CDH18: variants seen among roughly 807,000 people sequenced by gnomAD.
The protein encoded by CDH18 is cadherin-18.
A neutral mutation model predicts 67.9 loss-of-function variants in CDH18; 31 were observed. That is an observed-to-expected ratio of 0.46 (90% confidence interval 0.34 to 0.62). The LOEUF (loss-of-function observed/expected upper bound fraction) is 0.62. Among genes scored for constraint, CDH18 ranks in the 20% least tolerant of loss-of-function variants. The probability of loss-of-function intolerance (pLI) is 0.01; values close to 1 mark genes in which losing one functional copy is unlikely to be tolerated. For missense variants in CDH18, 890 were observed against 975.5 expected (o/e 0.91, Z 1.17); for synonymous variants, 362 against 347.2 (o/e 1.04, Z -0.48).
At chr5:20,302,737 A>T (rs1736062283) in intron 1 of CDH18, among the ~76,000 whole-genome samples, 1 of 152,242 alleles carries the variant, frequency 6.6e-6, no homozygotes. Context: ...TGCGCTACGC[A>T]CTGAAGATCA....
chr5:19,806,648 T>C (rs1209985707), intron 3 of CDH18, among the ~76,000 whole-genome samples: 1 of 152,220 alleles, frequency 6.6e-6, no homozygotes, highest in Non-Finnish European at 1.5e-5. Flanking sequence ...GAATTCATAA[T>C]GCATTATATA....
chr5:19,838,360 G>A (rs891039430), intron 3 of CDH18, among the ~76,000 whole-genome samples: 4 of 152,096 alleles, frequency 2.6e-5, no homozygotes, highest in Admixed American at 6.6e-5. Flanking sequence ...ATGTGCAGGA[G>A]CAATATGTGA....
At chr5:20,136,858 G>T (rs957786524) in intron 2 of CDH18, among the ~76,000 whole-genome samples, 2 of 152,216 alleles carry the variant, frequency 1.3e-5, no homozygotes, top group South Asian at 2.1e-4. Flanking sequence ...AGCTTAGTTT[G>T]GTTGGATACG....
At chr5:19,566,718 T>C (rs982762091) in intron 8 of CDH18, among the ~76,000 whole-genome samples, 1 of 152,114 alleles carries the variant, frequency 6.6e-6, no homozygotes, top group African/African-American at 2.4e-5. Context: ...AAGATGAGAC[T>C]TGGGTGAGGA....
At chr5:19,645,891 A>G (rs539640390) in intron 5 of CDH18, among the ~76,000 whole-genome samples, 3 of 152,344 alleles carry the variant, frequency 2.0e-5, no homozygotes, top group African/African-American at 4.8e-5. Flanking sequence ...GTAGATGAAT[A>G]GAAATAATAT....
chr5:20,219,789 T>TAA (rs200855630), intron 2 of CDH18, among the ~76,000 whole-genome samples: 1 of 151,610 alleles, frequency 6.6e-6, no homozygotes, highest in African/African-American at 2.4e-5. Flanking sequence ...CCCTTCATGA[T>TAA]AAAAAAATCC....
chr5:19,769,365 A>T (rs1268697902), intron 3 of CDH18, among the ~76,000 whole-genome samples: 50 of 152,086 alleles, frequency 3.3e-4, no homozygotes. Context: ...CTAATAAAAA[A>T]CCACAGAAGC....
intron 1 of CDH18, among the ~76,000 whole-genome samples, chr5:20,396,720 G>A (rs1351377123): frequency 6.6e-6 from 1 of 151,980 alleles, no homozygotes; most frequent in Non-Finnish European, 1.5e-5. Context: ...AATCAAAACT[G>A]AATGTAAAAC....
chr5:20,118,461 C>T lies in CDH18; in HGVS notation c.-517-126447G>A, dbSNP rs551166823. Among the ~76,000 whole-genome samples, 20 of 152,210 alleles carry T rather than the reference C, an allele frequency of 1.3e-4. 1 individual carries two copies. The East Asian group carries it at 1.5e-3, about 12-fold the overall frequency. On this transcript the variant is annotated intron_variant, in intron 2 of 14. Transcript: ENST00000507958. ...TGTTAGTAAATATTCTTATTTACTA[C>T]GCTTACCTGTTATAATATTACGATT... is the stretch of plus-strand genomic sequence containing the variant.
At chr5:20,318,824 T>C (rs1737710100) in intron 1 of CDH18, among the ~76,000 whole-genome samples, 2 of 152,200 alleles carry the variant, frequency 1.3e-5, no homozygotes, top group Admixed American at 6.5e-5. Flanking sequence ...TTGTTACATA[T>C]GTATACAGGC....
chr5:20,436,217 C>A (rs1749154893), intron 1 of CDH18, among the ~76,000 whole-genome samples: 1 of 151,944 alleles, frequency 6.6e-6, no homozygotes, highest in Non-Finnish European at 1.5e-5. Context: ...AATGAAGTAA[C>A]ATTTCAAATT....
intron 4 of CDH18, among the ~76,000 whole-genome samples, chr5:19,724,574 G>A (rs1190761064): frequency 2.0e-5 from 3 of 151,448 alleles, no homozygotes; most frequent in Non-Finnish European, 2.9e-5. Flanking sequence ...GAAACCTAAC[G>A]ACAATCAGTA....
chr5:20,347,575 G>A (rs1178903402), intron 1 of CDH18, among the ~76,000 whole-genome samples: 1 of 152,220 alleles, frequency 6.6e-6, no homozygotes, highest in African/African-American at 2.4e-5. Flanking sequence ...GTGGTTAAGA[G>A]CTTCCCCTTA....
At chr5:19,975,272 T>A (rs1798392782) in intron 2 of CDH18, among the ~76,000 whole-genome samples, 1 of 152,144 alleles carries the variant, frequency 6.6e-6, no homozygotes, top group African/African-American at 2.4e-5. Context: ...TAAATTTGTA[T>A]ATTTTTGTAC....
chr5:19,999,766 A>T (rs974671935), intron 2 of CDH18, among the ~76,000 whole-genome samples: 8 of 152,160 alleles, frequency 5.3e-5, no homozygotes, highest in Non-Finnish European at 7.4e-5. Flanking sequence ...TTTCAGGATG[A>T]CCACAGCAGA....
At chr5:20,080,061 T>G (rs1197318872) in intron 2 of CDH18, among the ~76,000 whole-genome samples, 1 of 152,180 alleles carries the variant, frequency 6.6e-6, no homozygotes, top group Non-Finnish European at 1.5e-5. Flanking sequence ...ATATGAATTT[T>G]GGGGGAACGC....
chr5:19,472,319 A>T lies in CDH18; in HGVS notation c.*907T>A, dbSNP rs1561127439. 6.6e-6 allele frequency among the ~76,000 whole-genome samples: 1 copy of T among 152,144 alleles called. No individual in the cohort carries two copies. Among genetic ancestry groups the T allele is most frequent in the African/African-American group, 2.4e-5 (1 of 41,454 alleles). ...ATATTTGACAATTAATTTTAAATAG[A>T]GAAATGACCAAAATTGCTGATTTAA... On this transcript the variant is annotated 3_prime_UTR_variant, in exon 13 of 13. Coordinates refer to ENST00000382275, the MANE Select transcript of CDH18 (RefSeq NM_004934.5).
chr5:19,570,402 T>C (rs2149930577), intron 8 of CDH18, among the ~76,000 whole-genome samples: 1 of 152,278 alleles, frequency 6.6e-6, no homozygotes, highest in South Asian at 2.1e-4. Flanking sequence ...GATTGTTGAA[T>C]ATCTACATTT....
At chr5:19,638,639 T>A (rs1753514725) in intron 5 of CDH18, among the ~76,000 whole-genome samples, 1 of 150,986 alleles carries the variant, frequency 6.6e-6, no homozygotes, top group Admixed American at 6.6e-5. Flanking sequence ...CAGTAGGAGG[T>A]TCCTGCCTTC....
Sources: allele counts gnomAD v4.1 joint callset (sites outside exome capture counted in the v4.1 genomes callset), GRCh38; gene constraint gnomAD v4.1.1; transcripts MANE v1.5; gene names NCBI Gene and HGNC (gene_info 2026-07-23, HGNC 2026-07-21).